ARHGAP24: variants seen among roughly 807,000 people sequenced by gnomAD.
The protein encoded by ARHGAP24 is Rho GTPase activating protein 24, also known as rho GTPase-activating protein 24.
ARHGAP24 carries 50 observed loss-of-function variants against 76.4 expected under a neutral mutation model. That is an observed-to-expected ratio of 0.65 (90% CI 0.52 to 0.83). The LOEUF is 0.83. ARHGAP24 is among the 40% of genes least tolerant of loss of function. The pLI, the probability that ARHGAP24 is intolerant of heterozygous loss-of-function variation, is 0.00. For missense variants in ARHGAP24, 930 were observed against 914.2 expected (o/e 1.02, Z -0.22); for synonymous variants, 345 against 323.3 (o/e 1.07, Z -0.72).
chr4:85,743,527 C>T (rs1725906698), intron 3 of ARHGAP24, among the ~76,000 whole-genome samples: 1 of 150,264 alleles, frequency 6.7e-6, no homozygotes, highest in Admixed American at 6.7e-5. Context: ...ATGATTGCAC[C>T]ACTGTACTCT....
intron 3 of ARHGAP24, among the ~76,000 whole-genome samples, chr4:85,794,025 T>G (rs1295081056): frequency 6.6e-6 from 1 of 152,192 alleles, no homozygotes; most frequent in Non-Finnish European, 1.5e-5. Context: ...GGAACAGTAT[T>G]TCTCATGCTC....
At chr4:85,619,161 A>G (rs566022217) in intron 2 of ARHGAP24, among the ~76,000 whole-genome samples, 70 of 152,126 alleles carry the variant, frequency 4.6e-4, no homozygotes, top group Non-Finnish European at 8.8e-4. Flanking sequence ...AGATGCGAGT[A>G]TAATTAAATT....
chr4:85,850,454 T>C (rs1261534003), intron 3 of ARHGAP24, among the ~76,000 whole-genome samples: 3 of 152,210 alleles, frequency 2.0e-5, no homozygotes, highest in Non-Finnish European at 4.4e-5. Flanking sequence ...TCTCCTTCAG[T>C]TCTGCTCTGA....
intron 2 of ARHGAP24, among the ~76,000 whole-genome samples, chr4:85,643,234 G>GTTTT (rs70948741): frequency 1.8e-4 from 10 of 54,628 alleles, no homozygotes; most frequent in East Asian, 2.0e-3. Flanking sequence ...GTTTTTTTGT[G>GTTTT]TTTTTTTTTT....
intron 2 of ARHGAP24, among the ~76,000 whole-genome samples, chr4:85,666,905 A>C (rs1246847834): frequency 6.6e-6 from 1 of 152,096 alleles, no homozygotes; most frequent in Non-Finnish European, 1.5e-5. Context: ...GTCTGCCCAT[A>C]CTGGGGGGTA....
intron 1 of ARHGAP24, among the ~76,000 whole-genome samples, chr4:85,545,251 C>G (rs892365181): frequency 1.3e-5 from 2 of 152,040 alleles, no homozygotes; most frequent in Non-Finnish European, 2.9e-5. Context: ...AGGCACCCAC[C>G]ACCACACCGG....
At chr4:85,755,635 TG>T (rs546139064) in intron 3 of ARHGAP24, among the ~76,000 whole-genome samples, 11,025 of 92,768 alleles carry the variant, frequency 0.12, 1,607 homozygotes, top group Middle Eastern at 0.15. Context: ...TGTTTTGTTT[TG>T]TTTTGTTTTG....
chr4:85,869,267 G>C (rs1039423650), intron 3 of ARHGAP24, among the ~76,000 whole-genome samples: 3 of 152,112 alleles, frequency 2.0e-5, no homozygotes, highest in African/African-American at 7.2e-5. Context: ...TTTCCCCCTT[G>C]AACAACAAAG....
At chr4:85,969,406 G>C (rs1738826125) in intron 5 of ARHGAP24, among the ~76,000 whole-genome samples, 1 of 151,652 alleles carries the variant, frequency 6.6e-6, no homozygotes. Flanking sequence ...ATATTTGATA[G>C]CTTCTGTTTA....
chr4:85,702,499 T>A (rs1724132156), intron 2 of ARHGAP24, among the ~76,000 whole-genome samples: 2 of 152,218 alleles, frequency 1.3e-5, no homozygotes, highest in Non-Finnish European at 1.5e-5. Flanking sequence ...AAAGTGTTTT[T>A]GAAATCTTTT....
chr4:85,788,944 C>T (rs1216160988), intron 3 of ARHGAP24, among the ~76,000 whole-genome samples: 1 of 152,094 alleles, frequency 6.6e-6, no homozygotes, highest in Non-Finnish European at 1.5e-5. Flanking sequence ...ACATATTTGG[C>T]CTTTGTTCCT....
Position 85,602,769 on chromosome 4 carries a change from C to G in ARHGAP24, c.180+32048C>G, listed in dbSNP as rs1454477862. Among the ~76,000 whole-genome samples the G allele has an allele frequency of 2.0e-5, 3 of 152,168 alleles. No homozygotes were observed. The East Asian group carries it at 5.8e-4, about 29-fold the overall frequency. ...TGGAGAATCAAACAGTGGCCTATCT[C>G]TTCCTACCATGGCAATTTCTGAATG... On this transcript the variant is annotated intron_variant, in intron 2 of 9. Transcript: ENST00000395184.
intron 2 of ARHGAP24, among the ~76,000 whole-genome samples, chr4:85,599,516 A>T (rs1273260413): frequency 6.6e-6 from 1 of 152,010 alleles, no homozygotes; most frequent in African/African-American, 2.4e-5. Context: ...TGGAAGAAAA[A>T]CCTCTATTTG....
At chr4:85,737,026 T>C (rs1319361401) in intron 3 of ARHGAP24, among the ~76,000 whole-genome samples, 1 of 152,160 alleles carries the variant, frequency 6.6e-6, no homozygotes, top group Non-Finnish European at 1.5e-5. Context: ...CCCTAGTTGA[T>C]GTGTGAAAAT....
chr4:85,540,966 C>T (rs543983021), intron 1 of ARHGAP24, among the ~76,000 whole-genome samples: 4 of 121,716 alleles, frequency 3.3e-5, no homozygotes, highest in African/African-American at 6.2e-5. Flanking sequence ...GATAATGTGT[C>T]CCTCTGGGCT....
At position 86,001,487 on chromosome 4, in the gene ARHGAP24, G is replaced by T. The variant is rs1186803397; in HGVS notation, c.*765G>T. 2.5e-6 allele frequency: 1 copy of T among 398,376 alleles called. No homozygotes were observed. Among genetic ancestry groups the T allele is most frequent in the African/African-American group, 2.1e-5 (1 of 48,578 alleles). 24.7% of individuals were successfully genotyped at this position (398,376 alleles called of 1,614,324 possible). A position where few individuals can be genotyped will look rare whatever the true frequency, so the allele number is the denominator to read the frequency against. On this transcript the variant is annotated 3_prime_UTR_variant, in exon 10 of 10. Coordinates refer to ENST00000395184, the MANE Select transcript of ARHGAP24 (RefSeq NM_001025616.3). ...CCAATGCAGGATGCTCCTTAGAAAA[G>T]AAAAAATGGTAAAGAATGGCATTTA...
intron 3 of ARHGAP24, among the ~76,000 whole-genome samples, chr4:85,731,153 G>A (rs2062097): frequency 0.56 from 60,670 of 108,350 alleles, 13,594 homozygotes; most frequent in East Asian, 0.92. Flanking sequence ...ACCCATCTGC[G>A]CCCACAAAAC....
chr4:85,827,125 G>C (rs1729749204), intron 3 of ARHGAP24, among the ~76,000 whole-genome samples: 1 of 152,100 alleles, frequency 6.6e-6, no homozygotes, highest in Non-Finnish European at 1.5e-5. Context: ...CAAAATTAAA[G>C]TGTGCATGCA....
chr4:85,556,826 G>T (rs967127627), intron 1 of ARHGAP24, among the ~76,000 whole-genome samples: 2 of 152,196 alleles, frequency 1.3e-5, no homozygotes, highest in African/African-American at 4.8e-5. Flanking sequence ...CAGCAAAAAT[G>T]GTGCCCTGCC....
Sources: gnomAD v4.1 joint callset for allele counts (sites outside exome capture counted in the v4.1 genomes callset) on GRCh38, gnomAD v4.1.1 for gene constraint, MANE v1.5 for transcripts, NCBI Gene and HGNC (gene_info 2026-07-23, HGNC 2026-07-21) for gene names.